Variants in NOS1AP observed in about 807,000 individuals in gnomAD.
The protein encoded by NOS1AP is nitric oxide synthase 1 adaptor protein.
In NOS1AP, 21 loss-of-function variants were observed where a neutral mutation model predicts 56.2. The observed-to-expected ratio is 0.37, with a 90% CI of 0.26 to 0.54. The LOEUF is 0.54. Among genes scored for constraint, NOS1AP ranks in the 20% least tolerant of loss-of-function variants. NOS1AP has a pLI of 0.84. For synonymous variants in NOS1AP, 270 were observed against 274.6 expected (o/e 0.98, Z 0.17); for missense variants, 522 against 657.8 (o/e 0.79, Z 2.26).
chr1:162,224,319 T>C lies in NOS1AP; in HGVS notation c.178-63025T>C, dbSNP rs768417670. On this transcript the variant is annotated intron_variant, in intron 2 of 9. Coordinates refer to ENST00000361897, the MANE Select transcript of NOS1AP (RefSeq NM_014697.3). ...ACTTATTTTTTCCAGGATTGAAATATATTCTGGCAGTTTCTCCCTGCTTCT... is the reference window on the plus strand; with the variant it reads ...ACTTATTTTTTCCAGGATTGAAATACATTCTGGCAGTTTCTCCCTGCTTCT... Among the ~76,000 whole-genome samples the C allele has an allele frequency of 1.3e-3, 196 of 152,244 alleles. 1 individual carries two copies. Among genetic ancestry groups the C allele is most frequent in the Non-Finnish European group, 1.0e-3 (70 of 68,040 alleles).
chr1:162,324,466 C>T (rs2101785174), intron 4 of NOS1AP, among the ~76,000 whole-genome samples: 1 of 108,674 alleles, frequency 9.2e-6, no homozygotes, highest in South Asian at 3.3e-4. Flanking sequence ...AAGTACTGAA[C>T]AAGAAGAAAT....
chr1:162,202,168 T>A (rs1055538072), intron 2 of NOS1AP, among the ~76,000 whole-genome samples: 9 of 152,256 alleles, frequency 5.9e-5, no homozygotes, highest in African/African-American at 2.2e-4. Flanking sequence ...GAAATTATGT[T>A]TTATATGAAG....
intron 2 of NOS1AP, among the ~76,000 whole-genome samples, chr1:162,172,977 A>T (rs999947135): frequency 2.0e-5 from 3 of 151,238 alleles, no homozygotes; most frequent in African/African-American, 4.9e-5. Context: ...GCTGGAGTGT[A>T]GTGGCGCAAT....
intron 2 of NOS1AP, among the ~76,000 whole-genome samples, chr1:162,260,580 T>C (rs1654176018): frequency 6.6e-6 from 1 of 152,214 alleles, no homozygotes; most frequent in Non-Finnish European, 1.5e-5. Flanking sequence ...AAGTTGTAAC[T>C]AATTGATCAG....
chr1:162,238,963 G>A (rs540797707), intron 2 of NOS1AP, among the ~76,000 whole-genome samples: 2 of 152,282 alleles, frequency 1.3e-5, no homozygotes, highest in East Asian at 3.9e-4. Context: ...GTAAGGAAGA[G>A]TTTGGTAAGT....
intron 4 of NOS1AP, among the ~76,000 whole-genome samples, chr1:162,331,628 C>A (rs1162049393): frequency 6.6e-6 from 1 of 152,150 alleles, no homozygotes; most frequent in Non-Finnish European, 1.5e-5. Flanking sequence ...CAGCACAGAC[C>A]TACACTAAAA....
intron 2 of NOS1AP, among the ~76,000 whole-genome samples, chr1:162,221,534 G>GCACA (rs35920520): frequency 0.044 from 3,238 of 73,304 alleles, 57 homozygotes; most frequent in Non-Finnish European, 0.053. Context: ...ACACACGCGC[G>GCACA]CACACACACA....
intron 1 of NOS1AP, among the ~76,000 whole-genome samples, chr1:162,088,372 G>C (rs993602970): frequency 3.9e-5 from 6 of 152,164 alleles, no homozygotes; most frequent in Admixed American, 1.3e-4. Flanking sequence ...CATATGTTCA[G>C]GCTGGGTTCC....
chr1:162,109,280 C>CT (rs1647624514), intron 1 of NOS1AP, among the ~76,000 whole-genome samples: 1 of 152,144 alleles, frequency 6.6e-6, no homozygotes, highest in Admixed American at 6.5e-5. Flanking sequence ...TTAAGGATAA[C>CT]AAAGTGTTTA....
At chr1:162,246,704 G>A (rs1361797195) in intron 2 of NOS1AP, among the ~76,000 whole-genome samples, 2 of 151,954 alleles carry the variant, frequency 1.3e-5, no homozygotes, top group African/African-American at 2.4e-5. Context: ...TGGGTCTCTT[G>A]GCCTCAGTTT....
chr1:162,296,555 C>A (rs1571199555), intron 3 of NOS1AP, among the ~76,000 whole-genome samples: 1 of 152,274 alleles, frequency 6.6e-6, no homozygotes, highest in East Asian at 1.9e-4. Flanking sequence ...GTGCTGGGAC[C>A]TCTTTTAAAA....
At chr1:162,355,008 G>A (rs896608504) in intron 6 of NOS1AP, among the ~76,000 whole-genome samples, 179 bp from the exon 7 acceptor site, 6 of 152,220 alleles carry the variant, frequency 3.9e-5, no homozygotes, top group African/African-American at 1.4e-4. Flanking sequence ...ACTAAGATGA[G>A]AACATCTTAC....
At chr1:162,238,346 T>C (rs2101677785) in intron 2 of NOS1AP, among the ~76,000 whole-genome samples, 1 of 152,254 alleles carries the variant, frequency 6.6e-6, no homozygotes. Context: ...TCAGCCCTGG[T>C]TGGGGATAGA....
intron 2 of NOS1AP, among the ~76,000 whole-genome samples, chr1:162,247,299 C>A (rs553853703): frequency 6.6e-6 from 1 of 152,278 alleles, no homozygotes; most frequent in Admixed American, 6.5e-5. Flanking sequence ...AGTATCCCAA[C>A]AATGCACAGC....
chr1:162,235,140 C>CT (rs11448599), intron 2 of NOS1AP, among the ~76,000 whole-genome samples: 73,193 of 150,686 alleles, frequency 0.49, 18,792 homozygotes, highest in Non-Finnish European at 0.59. Flanking sequence ...CATTTTAAAA[C>CT]TTTTTTTTTT....
At chr1:162,129,652 T>A (rs560425941) in intron 1 of NOS1AP, among the ~76,000 whole-genome samples, 8 of 152,330 alleles carry the variant, frequency 5.3e-5, no homozygotes, top group Admixed American at 5.2e-4. Flanking sequence ...GATTCTGTTT[T>A]ATTAAACTGC....
chr1:162,310,357 C>A (rs1372978167), intron 4 of NOS1AP, among the ~76,000 whole-genome samples: 1 of 152,190 alleles, frequency 6.6e-6, no homozygotes, highest in Non-Finnish European at 1.5e-5. Context: ...TTCCTTCAGC[C>A]TCGCATTGCC....
At chr1:162,082,700 CTTT>C (rs947309198) in intron 1 of NOS1AP, among the ~76,000 whole-genome samples, 2 of 152,058 alleles carry the variant, frequency 1.3e-5, no homozygotes, top group African/African-American at 4.8e-5. Context: ...TGATGTTGAG[CTTT>C]TTTTGCATAT....
Position 162,180,393 on chromosome 1 carries a change from C to T in NOS1AP, c.177+25917C>T, listed in dbSNP as rs188814959. Among the ~76,000 whole-genome samples, 231 of 152,164 alleles carry T rather than the reference C, an allele frequency of 1.5e-3. 2 individuals are homozygous for T. The highest frequency in any genetic ancestry group is 2.4e-3 in the Non-Finnish European group (165 of 67,992). ...CTGAGTAGCTGGGACCACAGGCGCC[C>T]GCCACCACGGCCAGCTAATTTTTTG... On this transcript the variant is annotated intron_variant, in intron 2 of 9. Coordinates refer to ENST00000361897, the MANE Select transcript of NOS1AP (RefSeq NM_014697.3).
Sources: allele counts gnomAD v4.1 joint callset (sites outside exome capture counted in the v4.1 genomes callset), GRCh38; gene constraint gnomAD v4.1.1; transcripts MANE v1.5; gene names NCBI Gene and HGNC (gene_info 2026-07-23, HGNC 2026-07-21).